Variants in ARHGAP35 observed in about 807,000 individuals in gnomAD.
ARHGAP35 encodes Rho GTPase activating protein 35.
In ARHGAP35, 15 loss-of-function variants were observed where a neutral mutation model predicts 111.1. The observed-to-expected ratio is 0.13, with a 90% CI of 0.09 to 0.21. The LOEUF (loss-of-function observed/expected upper bound fraction) is 0.21, where lower values mean the gene tolerates loss of function less well. Among genes scored for constraint, ARHGAP35 ranks in the 10% least tolerant of loss-of-function variants. ARHGAP35 has a pLI of 1.00. For missense variants in ARHGAP35, 1,262 were observed against 1,873.0 expected, an observed-to-expected ratio of 0.67 and a Z score of 6.02; for synonymous variants, 643 against 710.3, an observed-to-expected ratio of 0.91 and a Z score of 1.51.
intron 2 of ARHGAP35, among the ~76,000 whole-genome samples, chr19:46,931,655 T>C (rs933950256): frequency 1.5e-4 from 23 of 152,308 alleles, no homozygotes; most frequent in African/African-American, 5.1e-4. Context: ...CAATGGACTA[T>C]GTTGTTCATT....
chr19:46,971,146 G>A (rs958312282), intron 3 of ARHGAP35, among the ~76,000 whole-genome samples: 10 of 152,100 alleles, frequency 6.6e-5, no homozygotes, highest in South Asian at 2.1e-4. Context: ...GGTGACTGAC[G>A]CCTATAATGC....
intron 1 of ARHGAP35, among the ~76,000 whole-genome samples, chr19:46,892,902 C>G (rs1286593015): frequency 1.3e-5 from 2 of 152,052 alleles, no homozygotes; most frequent in Admixed American, 6.6e-5. Context: ...TATCTCTTCT[C>G]CCAACATTTG....
intron 1 of ARHGAP35, among the ~76,000 whole-genome samples, chr19:46,892,302 CAAAA>C (rs1211422406): frequency 1.6e-5 from 1 of 63,754 alleles, no homozygotes; most frequent in African/African-American, 5.7e-5. Flanking sequence ...GACTTTGTCT[CAAAA>C]AAAAAAAAAA....
At chr19:46,979,179 C>T (rs529566685) in intron 3 of ARHGAP35, among the ~76,000 whole-genome samples, 1 of 152,056 alleles carries the variant, frequency 6.6e-6, no homozygotes, top group East Asian at 1.9e-4. Context: ...GATCTTTAGC[C>T]TGTAAGATCC....
rs2056767005 is a variant in ARHGAP35, at chr19:47,004,821, G to A, written c.*4133G>A. The A allele has an allele frequency of 6.6e-6, 1 of 152,208 alleles. No individual in the cohort carries two copies. Among genetic ancestry groups the A allele is most frequent in the Non-Finnish European group, 1.5e-5 (1 of 68,038 alleles). 9.4% of individuals were successfully genotyped at this position (152,208 alleles called of 1,614,324 possible). A position where few individuals can be genotyped will look rare whatever the true frequency, so the allele number is the denominator to read the frequency against. ...CGGAACATCGTCTAGCTGGTGTTAGGAATGTTTGCTTAATTTCCAGACTTT... is the reference window on the plus strand; with the variant it reads ...CGGAACATCGTCTAGCTGGTGTTAGAAATGTTTGCTTAATTTCCAGACTTT... On this transcript the variant is annotated 3_prime_UTR_variant, in exon 7 of 7. Transcript: ENST00000672722.
At chr19:46,980,262 A>G (rs576808544) in intron 3 of ARHGAP35, among the ~76,000 whole-genome samples, 3 of 152,218 alleles carry the variant, frequency 2.0e-5, no homozygotes, top group East Asian at 1.9e-4. Flanking sequence ...GTGGGTTCCT[A>G]TAATCCCAGC....
intron 2 of ARHGAP35, among the ~76,000 whole-genome samples, chr19:46,935,400 C>T (rs1265017637): frequency 2.6e-5 from 4 of 152,192 alleles, no homozygotes. Flanking sequence ...TTGCTCTTTC[C>T]TTGTGTACAT....
At chr19:46,942,435 C>A (rs1276092993) in intron 3 of ARHGAP35, among the ~76,000 whole-genome samples, 2 of 151,988 alleles carry the variant, frequency 1.3e-5, no homozygotes, top group Admixed American at 1.3e-4. Context: ...GAGTTCCAGA[C>A]CAGCCTGACC....
intron 1 of ARHGAP35, among the ~76,000 whole-genome samples, chr19:46,865,138 G>C (rs181046201): frequency 6.6e-6 from 1 of 152,266 alleles, no homozygotes; most frequent in African/African-American, 2.4e-5. Flanking sequence ...GATGGGATTG[G>C]GTGCTACAGA....
intron 1 of ARHGAP35, among the ~76,000 whole-genome samples, chr19:46,864,590 A>G (rs73940788): frequency 6.4e-4 from 98 of 152,356 alleles, no homozygotes; most frequent in African/African-American, 2.2e-3. Context: ...GAGTTGGACC[A>G]TTCACTCATC....
intron 1 of ARHGAP35, among the ~76,000 whole-genome samples, chr19:46,878,610 T>G (rs902421729): frequency 2.0e-5 from 3 of 152,140 alleles, no homozygotes; most frequent in Non-Finnish European, 4.4e-5. Flanking sequence ...GGAGCCACTG[T>G]GTCCAGCTCC....
chr19:46,917,339 C>T (rs759418297), intron 1 of ARHGAP35, among the ~76,000 whole-genome samples: 4 of 152,178 alleles, frequency 2.6e-5, no homozygotes, highest in African/African-American at 7.2e-5. Context: ...CAGGCGTGAT[C>T]GCTTACGCCT....
chr19:46,943,685 G>C (rs1452932058), intron 3 of ARHGAP35, among the ~76,000 whole-genome samples: 4 of 152,192 alleles, frequency 2.6e-5, no homozygotes, highest in African/African-American at 9.7e-5. Context: ...AAAGTCAGAA[G>C]TCTTTGTGTC....
intron 1 of ARHGAP35, among the ~76,000 whole-genome samples, chr19:46,875,236 T>C (rs1430182173): frequency 1.3e-5 from 2 of 152,184 alleles, no homozygotes; most frequent in Non-Finnish European, 2.9e-5. Flanking sequence ...TTCTTTCTGT[T>C]GTCGGGGAGA....
intron 1 of ARHGAP35, among the ~76,000 whole-genome samples, chr19:46,909,651 G>A (rs2056128291): frequency 6.6e-6 from 1 of 152,160 alleles, no homozygotes. Context: ...AGGAGTAAGT[G>A]TATGTAGCCT....
chr19:46,936,875 T>A (rs2056311417), intron 2 of ARHGAP35, among the ~76,000 whole-genome samples: 3 of 150,498 alleles, frequency 2.0e-5, no homozygotes, highest in Admixed American at 2.0e-4. Flanking sequence ...AGTCTTACTC[T>A]GTCATCCAGG....
In ARHGAP35 at chr19:46,945,761, C is replaced by T. The variant is rs1041008758; in HGVS notation, c.3826+8353C>T. Among the ~76,000 whole-genome samples, 1 of 152,230 alleles carries T rather than the reference C, an allele frequency of 6.6e-6. No individual in the cohort carries two copies. The highest frequency in any genetic ancestry group is 2.4e-5 in the African/African-American group (1 of 41,462). On this transcript the variant is annotated intron_variant, in intron 3 of 6. Coordinates refer to ENST00000672722, the MANE Select transcript of ARHGAP35 (RefSeq NM_004491.5). The surrounding 1 kb of genome is among the most constrained non-coding windows in gnomAD (Gnocchi z 4.1). ...GCTATTTAACTAGAAATAGCATTCT[C>T]TACGCATGCTTTCTTTGAATAATAT...
At chr19:46,973,404 G>A (rs569518651) in intron 3 of ARHGAP35, among the ~76,000 whole-genome samples, 1 of 151,806 alleles carries the variant, frequency 6.6e-6, no homozygotes, top group African/African-American at 2.4e-5. Flanking sequence ...AAAATTGGCC[G>A]GGCGCAGTGG....
chr19:46,899,351 A>G (rs944736821), intron 1 of ARHGAP35, among the ~76,000 whole-genome samples: 8 of 152,138 alleles, frequency 5.3e-5, no homozygotes, highest in African/African-American at 1.9e-4. Flanking sequence ...AAGGTAGAAA[A>G]TAAGGTTGGG....
Sources: allele counts gnomAD v4.1 joint callset (sites outside exome capture counted in the v4.1 genomes callset), GRCh38; gene constraint gnomAD v4.1.1; non-coding constraint Gnocchi (gnomAD v3.1); transcripts MANE v1.5; gene names NCBI Gene and HGNC (gene_info 2026-07-23, HGNC 2026-07-21).